Variants in HSD17B7 observed in about 807,000 individuals in gnomAD.
The protein encoded by HSD17B7 is 3-keto-steroid reductase/17-beta-hydroxysteroid dehydrogenase 7.
Under a neutral mutation model 34.1 loss-of-function variants are expected in HSD17B7, and 17 were observed. The ratio of observed to expected loss-of-function variants is 0.50; its 90% CI spans 0.34 to 0.75. HSD17B7 has a LOEUF of 0.75. Among genes scored for constraint, HSD17B7 ranks in the 30% least tolerant of loss-of-function variants. The pLI, the probability that HSD17B7 is intolerant of heterozygous loss-of-function variation, is 0.01. For synonymous variants in HSD17B7, 122 were observed against 154.6 expected (o/e 0.79, Z 1.56); for missense variants, 296 against 406.6 (o/e 0.73, Z 2.34).
At chr1:162,797,208 C>T (rs1648641301) in intron 3 of HSD17B7, 1 of 158,724 alleles carries the variant, frequency 6.3e-6, no homozygotes, top group Non-Finnish European at 1.4e-5. Flanking sequence ...CATAAATAGG[C>T]ATTCTTACTA....
At chr1:162,802,625 G>T (rs1161397923) in intron 5 of HSD17B7, among the ~76,000 whole-genome samples, 3 of 151,722 alleles carry the variant, frequency 2.0e-5, no homozygotes, top group Admixed American at 6.6e-5. Context: ...TTATTTAAAA[G>T]AAAAAATGAG....
intron 7 of HSD17B7, 65 bp from the exon 8 acceptor site, chr1:162,805,329 A>T: frequency 6.3e-7 from 1 of 1,578,400 alleles, no homozygotes; most frequent in African/African-American, 1.4e-5. Context: ...CAGATTGTGA[A>T]TCTCCACCAG....
intron 6 of HSD17B7, among the ~76,000 whole-genome samples, 172 bp downstream of exon 6, chr1:162,803,707 C>T (rs1287281470): frequency 6.6e-6 from 1 of 152,252 alleles, no homozygotes; most frequent in Non-Finnish European, 1.5e-5. Context: ...CTAAGTGTTA[C>T]TGCCACACCA....
chr1:162,808,272 G>T (rs1041060808), intron 8 of HSD17B7, among the ~76,000 whole-genome samples: 11 of 151,918 alleles, frequency 7.2e-5, no homozygotes, highest in Admixed American at 2.0e-4. Context: ...AAGATCAGAT[G>T]GTTGTAGATA....
intron 8 of HSD17B7, among the ~76,000 whole-genome samples, chr1:162,808,228 C>G (rs1649054754): frequency 6.6e-6 from 1 of 152,116 alleles, no homozygotes; most frequent in African/African-American, 2.4e-5. Flanking sequence ...ATAGGGAATC[C>G]TTTCCCCATT....
At chr1:162,792,503 G>A (rs1266372714) in intron 1 of HSD17B7, 156 bp from the exon 2 acceptor site, 1 of 910,578 alleles carries the variant, frequency 1.1e-6, no homozygotes, top group East Asian at 2.7e-5. Context: ...TTGGAGTGTA[G>A]GATTCCTCCC....
rs143556190 is a variant in HSD17B7 at position 162,797,573 on chromosome 1, G to A, written c.333-229G>A. 9.0e-3 allele frequency: 3,685 copies of A among 408,486 alleles called. 118 individuals are homozygous for A. The highest frequency in any genetic ancestry group is 0.068 in the African/African-American group (3,336 of 49,250). 25.3% of individuals were successfully genotyped at this position (408,486 alleles called of 1,614,324 possible). On this transcript the variant is annotated intron_variant, in intron 3 of 8. Coordinates refer to ENST00000254521, the MANE Select transcript of HSD17B7 (RefSeq NM_016371.4). The stretch of plus-strand genomic sequence containing the variant: ...AGAGACTCAAGTTCCTATTGGTAGC[G>A]TGAGCTATAAGTATGTAAGTATTTC...
At chr1:162,808,026 A>G (rs1428244032) in intron 8 of HSD17B7, among the ~76,000 whole-genome samples, 1 of 152,098 alleles carries the variant, frequency 6.6e-6, no homozygotes, top group Non-Finnish European at 1.5e-5. Flanking sequence ...GGTGTTTTAG[A>G]CATGAAGTCC....
At chr1:162,807,150 T>C (rs979311825) in intron 8 of HSD17B7, among the ~76,000 whole-genome samples, 2 of 152,036 alleles carry the variant, frequency 1.3e-5, no homozygotes, top group African/African-American at 4.8e-5. Context: ...CAGGCCCCAG[T>C]GTGTGAGGTT....
At position 162,790,740 on chromosome 1, in the gene HSD17B7, T is replaced by C. The variant is rs1383937810; in HGVS notation, c.-61T>C. ...TGACGGGTGAGGCGGCCCGAAATCG[T>C]AGGACTTCCGAAAGCAGCGGCGGTG... On this transcript the variant is annotated 5_prime_UTR_variant, in exon 1 of 9. Coordinates refer to ENST00000254521, the MANE Select transcript of HSD17B7 (RefSeq NM_016371.4). 1.2e-5 allele frequency: 13 copies of C among 1,109,426 alleles called. No homozygotes were observed. The highest frequency in any genetic ancestry group is 3.0e-5 in the African/African-American group (2 of 65,878). 68.7% of individuals were successfully genotyped at this position (1,109,426 alleles called of 1,614,324 possible). A position where few individuals can be genotyped will look rare whatever the true frequency, so the allele number is the denominator to read the frequency against.
intron 2 of HSD17B7, among the ~76,000 whole-genome samples, chr1:162,794,611 C>T (rs1165659406): frequency 6.6e-6 from 1 of 151,948 alleles, no homozygotes; most frequent in Non-Finnish European, 1.5e-5. Flanking sequence ...AGATAAAAAC[C>T]ATGAAGTTGA....
At chr1:162,799,071 T>C (rs1483923050) in intron 4 of HSD17B7, 1 of 158,080 alleles carries the variant, frequency 6.3e-6, no homozygotes, top group Admixed American at 6.4e-5. Context: ...CTCTACCTCC[T>C]TAAGAGTGGG....
chr1:162,805,269 A>G, intron 7 of HSD17B7, 125 bp from the exon 8 acceptor site: 2 of 1,368,684 alleles, frequency 1.5e-6, no homozygotes, highest in Non-Finnish European at 9.6e-7. Flanking sequence ...CCATTCACTG[A>G]TGATATTTGA....
intron 2 of HSD17B7, among the ~76,000 whole-genome samples, chr1:162,796,180 G>A (rs1344520987): frequency 1.3e-5 from 2 of 151,976 alleles, no homozygotes; most frequent in Non-Finnish European, 2.9e-5. Context: ...AGGAGATGTG[G>A]ATTTTTTTTT....
At chr1:162,808,376 T>C (rs1004474947) in intron 8 of HSD17B7, among the ~76,000 whole-genome samples, 20 of 152,304 alleles carry the variant, frequency 1.3e-4, no homozygotes, top group African/African-American at 3.9e-4. Context: ...TGTAGCCTTG[T>C]AGTATAGTTT....
intron 2 of HSD17B7, 156 bp downstream of exon 2, chr1:162,793,018 C>G (rs1447528539): frequency 1.7e-6 from 1 of 580,892 alleles, no homozygotes; most frequent in African/African-American, 2.0e-5. Context: ...TGTCTCAGTA[C>G]CACGTTTTCT....
intron 3 of HSD17B7, 36 bp downstream of exon 3, chr1:162,796,713 A>G: frequency 8.0e-7 from 1 of 1,245,634 alleles, no homozygotes; most frequent in Non-Finnish European, 1.2e-6. Flanking sequence ...GATTGGAAGG[A>G]ATGTGTTCAT....
chr1:162,809,877 T>C (rs1422109900), intron 8 of HSD17B7, among the ~76,000 whole-genome samples: 1 of 152,186 alleles, frequency 6.6e-6, no homozygotes, highest in Non-Finnish European at 1.5e-5. Flanking sequence ...CTATCAATTT[T>C]GTTGATCTTT....
chr1:162,804,935 TA>T (rs1461563314), intron 7 of HSD17B7, among the ~76,000 whole-genome samples: 1 of 152,232 alleles, frequency 6.6e-6, no homozygotes, highest in Non-Finnish European at 1.5e-5. Context: ...CAGCCTCTGC[TA>T]ACGGTTCAGA....
Sources: gnomAD v4.1 joint callset for allele counts (sites outside exome capture counted in the v4.1 genomes callset) on GRCh38, gnomAD v4.1.1 for gene constraint, MANE v1.5 for transcripts, NCBI Gene and HGNC (gene_info 2026-07-23, HGNC 2026-07-21) for gene names.